The following ARB2A variants were observed in gnomAD, a reference collection of about 807,000 sequenced individuals.
ARB2A encodes ARB2 cotranscriptional regulator A.
the ARB2A span, among the ~76,000 whole-genome samples, chr5:93,971,569 AAAATAAAT>A: frequency 1.0e-2 from 1,392 of 139,358 alleles, 3 homozygotes; most frequent in Admixed American, 0.02. Context: ...CTCCGTCTCA[AAAATAAAT>A]AAATAAATAA....
chr5:93,792,742 C>T, the ARB2A span, among the ~76,000 whole-genome samples: 8 of 150,574 alleles, frequency 5.3e-5, no homozygotes, highest in Admixed American at 1.3e-4. Context: ...GGAGATATAC[C>T]TAATGCTAAA....
chr5:93,997,572 A>C, the ARB2A span, among the ~76,000 whole-genome samples: 1 of 152,016 alleles, frequency 6.6e-6, no homozygotes, highest in East Asian at 1.9e-4. Flanking sequence ...TAGTGCCTAT[A>C]AACATTTTCA....
the ARB2A span, among the ~76,000 whole-genome samples, chr5:94,021,737 AG>A: frequency 6.6e-6 from 1 of 152,230 alleles, no homozygotes; most frequent in Non-Finnish European, 1.5e-5. Flanking sequence ...CAGAAACTTA[AG>A]GAACTCATTA....
chr5:93,748,453 TTAGA>T, the ARB2A span, among the ~76,000 whole-genome samples: 1 of 152,052 alleles, frequency 6.6e-6, no homozygotes, highest in Non-Finnish European at 1.5e-5. Context: ...GAATTAGAAC[TTAGA>T]TACTTTGAAA....
At chr5:93,664,520 A>C in the ARB2A span, among the ~76,000 whole-genome samples, 2 of 151,534 alleles carry the variant, frequency 1.3e-5, no homozygotes, top group South Asian at 4.2e-4. Flanking sequence ...ACTCCCAGGT[A>C]CTCGGGAAGC....
chr5:93,737,413 G>A, the ARB2A span: 2 of 151,956 alleles, frequency 1.3e-5, no homozygotes, highest in Non-Finnish European at 2.9e-5. Flanking sequence ...TGGTGTTTTG[G>A]GCAGAAATGG....
At chr5:93,699,948 A>G in the ARB2A span, among the ~76,000 whole-genome samples, 12 of 152,082 alleles carry the variant, frequency 7.9e-5, no homozygotes, top group Non-Finnish European at 1.8e-4. Flanking sequence ...GACTAGTTAG[A>G]CACCTGGAGA....
chr5:93,796,852 G>A, the ARB2A span, among the ~76,000 whole-genome samples: 1 of 152,134 alleles, frequency 6.6e-6, no homozygotes, highest in Non-Finnish European at 1.5e-5. Flanking sequence ...GGTTTGAAAG[G>A]TTTATTTGAG....
chr5:93,780,740 A>G, the ARB2A span, among the ~76,000 whole-genome samples: 1 of 152,016 alleles, frequency 6.6e-6, no homozygotes, highest in Non-Finnish European at 1.5e-5. Context: ...TTGTATCTTC[A>G]GTAGAGACGA....
chr5:93,944,242 G>C, the ARB2A span, among the ~76,000 whole-genome samples: 596 of 152,234 alleles, frequency 3.9e-3, 40 homozygotes, highest in East Asian at 0.1. Context: ...TAATTAAAAT[G>C]CTACATTGAA....
At chr5:94,055,782 T>C in the ARB2A span, 1 of 985,308 alleles carries the variant, frequency 1.0e-6, no homozygotes, top group Non-Finnish European at 1.2e-6. Context: ...CAAAATCAGA[T>C]TCCTTGACTT....
At chr5:93,780,533 A>G in the ARB2A span, among the ~76,000 whole-genome samples, 2 of 113,240 alleles carry the variant, frequency 1.8e-5, no homozygotes, top group East Asian at 2.4e-4. Flanking sequence ...TCTTTCTCCC[A>G]TCTCCTCCCC....
At chr5:93,854,863 G>T in the ARB2A span, among the ~76,000 whole-genome samples, 1 of 152,110 alleles carries the variant, frequency 6.6e-6, no homozygotes, top group Non-Finnish European at 1.5e-5. Context: ...TTGCTGAGGA[G>T]AGCTTTACTT....
the ARB2A span, among the ~76,000 whole-genome samples, chr5:93,668,214 G>A: frequency 6.6e-6 from 1 of 151,990 alleles, no homozygotes; most frequent in Non-Finnish European, 1.5e-5. Context: ...AGCAATGCTT[G>A]TGCCTCAGCC....
At chr5:93,991,735 T>C in the ARB2A span, among the ~76,000 whole-genome samples, 10 of 151,948 alleles carry the variant, frequency 6.6e-5, no homozygotes, top group South Asian at 1.9e-3. Flanking sequence ...AAATAAAAGA[T>C]TGGCAAGACT....
At chr5:94,037,964 A>C in the ARB2A span, among the ~76,000 whole-genome samples, 2 of 152,152 alleles carry the variant, frequency 1.3e-5, no homozygotes, top group East Asian at 3.8e-4. Context: ...AGTTGTTTTT[A>C]TAAGTGTGAT....
the ARB2A span, among the ~76,000 whole-genome samples, chr5:94,074,050 T>C: frequency 6.6e-6 from 1 of 152,264 alleles, no homozygotes; most frequent in African/African-American, 2.4e-5. Flanking sequence ...CTTTTCAGCC[T>C]CTTTTGCTAC....
the ARB2A span, among the ~76,000 whole-genome samples, chr5:94,041,935 C>CA: frequency 0.19 from 27,337 of 146,690 alleles, 2,742 homozygotes; most frequent in Admixed American, 0.3. Context: ...AGATTTTTCA[C>CA]AAAAAAAAAA....
At chr5:93,783,343 G>C in the ARB2A span, among the ~76,000 whole-genome samples, 1 of 152,118 alleles carries the variant, frequency 6.6e-6, no homozygotes, top group South Asian at 2.1e-4. Flanking sequence ...AAATATTTTA[G>C]ACTTTTGTAT....
Sources: gnomAD v4.1 joint callset for allele counts (sites outside exome capture counted in the v4.1 genomes callset) on GRCh38, gnomAD v4.1.1 for gene constraint, MANE v1.5 for transcripts, NCBI Gene and HGNC (gene_info 2026-07-23, HGNC 2026-07-21) for gene names.